Variants in MYH15 observed in about 807,000 individuals in gnomAD.
The protein encoded by MYH15 is myosin heavy chain 15, also known as myosin-15.
In MYH15, 227 loss-of-function variants were observed where a neutral mutation model predicts 240.5. That is an observed-to-expected ratio of 0.94 (90% CI 0.85 to 1.05). MYH15 has a LOEUF of 1.05. MYH15 is among the 50% of genes least tolerant of loss of function. MYH15 has a pLI of 0.00. For synonymous variants in MYH15, 785 were observed against 796.7 expected, an observed-to-expected ratio of 0.99 and a Z score of 0.25; for missense variants, 2,217 against 2,247.5, an observed-to-expected ratio of 0.99 and a Z score of 0.27.
chr3:108,424,141 T>C (rs1183591820), intron 27 of MYH15, among the ~76,000 whole-genome samples: 3 of 152,114 alleles, frequency 2.0e-5, no homozygotes, highest in Admixed American at 6.5e-5. Context: ...TGCGTGGAAA[T>C]GGTAAGAAAA....
intron 40 of MYH15, 128 bp downstream of exon 40, chr3:108,383,467 C>A: frequency 9.9e-7 from 1 of 1,005,068 alleles, no homozygotes; most frequent in East Asian, 2.6e-5. Context: ...TATTGGAACC[C>A]TTTGTTCTTA....
At chr3:108,543,592 T>C in the MYH15 span, 5 of 152,374 alleles carry the variant, frequency 3.3e-5, no homozygotes, top group East Asian at 9.6e-4. Flanking sequence ...TCTCCTTGGA[T>C]CCACAGATAC....
chr3:108,399,326 CCTG>C, intron 33 of MYH15, 59 bp from the exon 34 acceptor site: 4 of 1,370,428 alleles, frequency 2.9e-6, no homozygotes, highest in Non-Finnish European at 4.1e-6. Context: ...ATCAAATTCA[CCTG>C]CTATGTTTAA....
rs1223164176 is a variant in MYH15 at position 108,381,135 on chromosome 3, GT to G, written c.*409del. On this transcript the variant is annotated 3_prime_UTR_variant, in exon 41 of 41. Coordinates refer to ENST00000693548, the MANE Select transcript of MYH15 (RefSeq NM_014981.3). ...AGATTTAGGGGTGAATCAAGCCAAA[GT>G]TGCCTAACTTTAGTAAAAACCATTC... The G allele has an allele frequency of 2.1e-5, 4 of 190,922 alleles. No individual in the cohort carries two copies. Among genetic ancestry groups the G allele is most frequent in the African/African-American group, 9.4e-5 (4 of 42,334 alleles). 11.8% of individuals were successfully genotyped at this position (190,922 alleles called of 1,614,324 possible). A position where few individuals can be genotyped will look rare whatever the true frequency, so the allele number is the denominator to read the frequency against.
At chr3:108,469,559 T>C (rs1158245359) in intron 14 of MYH15, among the ~76,000 whole-genome samples, 1 of 152,232 alleles carries the variant, frequency 6.6e-6, no homozygotes, top group Non-Finnish European at 1.5e-5. Context: ...TAACTGGTAC[T>C]TGTCCAATTA....
upstream of MYH15, among the ~76,000 whole-genome samples, chr3:108,514,423 G>A (rs979436569): frequency 6.6e-6 from 1 of 152,040 alleles, no homozygotes; most frequent in South Asian, 2.1e-4. Flanking sequence ...TTTTGAAAAC[G>A]TCCTTTTCAA....
rs747904706 is a variant in MYH15, at chr3:108,405,440, C to T, written c.4634G>A (p.Arg1545His). ...GAAATGAAGAATCTTGCTTTCATTA[C>T]GTTCCAGGGCTCCCTGGAATACATA... ...TLEETEGALE[R>H]NESKILHFQL... The change falls in exon 33 of 41, where the codon CGT becomes CAT. Residue 1545 changes from arginine to histidine, a missense_variant. Arg to His is a conservative substitution (Grantham distance 29, BLOSUM62 0). Coordinates refer to ENST00000693548, the MANE Select transcript of MYH15 (RefSeq NM_014981.3). 1.9e-5 allele frequency: 28 copies of T among 1,512,918 alleles called. No individual in the cohort carries two copies. Among genetic ancestry groups the T allele is most frequent in the African/African-American group, 5.4e-5 (4 of 73,412 alleles). The allele number at this position is 1,512,918 out of a possible 1,614,324, so 93.7% of individuals were successfully genotyped here. A position where few individuals can be genotyped will look rare whatever the true frequency, so the allele number is the denominator to read the frequency against.
intron 22 of MYH15, 58 bp from the exon 23 acceptor site, chr3:108,441,318 G>C (rs769944448): frequency 2.5e-6 from 4 of 1,591,386 alleles, no homozygotes; most frequent in Non-Finnish European, 3.4e-6. Flanking sequence ...TCAGCTAGGC[G>C]AAAATGCTGC....
chr3:108,451,507 C>A (rs1278465693), intron 21 of MYH15, among the ~76,000 whole-genome samples: 1 of 152,020 alleles, frequency 6.6e-6, no homozygotes, highest in Non-Finnish European at 1.5e-5. Flanking sequence ...TCTCATTAGA[C>A]ATGTAACCAA....
intron 14 of MYH15, among the ~76,000 whole-genome samples, chr3:108,465,618 G>T (rs2083108546): frequency 6.6e-6 from 1 of 152,300 alleles, no homozygotes; most frequent in Non-Finnish European, 1.5e-5. Flanking sequence ...GCTAAGAATG[G>T]CTTTTACATT....
rs563417689 is a variant in MYH15, at chr3:108,485,191, C to A, written c.1014G>T (p.Lys338Asn). 6.2e-7 allele frequency: 1 copy of A among 1,614,102 alleles called. No individual in the cohort carries two copies. The highest frequency in any genetic ancestry group is 2.2e-5 in the East Asian group (1 of 44,882). The change falls in exon 11 of 41, where the codon AAG becomes AAT. Residue 338 changes from lysine (K) to asparagine (N), a missense_variant. Lys to Asn is a moderately conservative substitution (Grantham distance 94, BLOSUM62 0). Coordinates refer to ENST00000693548, the MANE Select transcript of MYH15 (RefSeq NM_014981.3). ...CTCCAGTGAGTTTATAGCATCCATA[C>A]TTCTCATCAGGAAGAAAGCCCAAGA... ...MDILGFLPDE[K>N]YGCYKLTGAI... is the part of the protein sequence containing the mutation.
intron 29 of MYH15, among the ~76,000 whole-genome samples, chr3:108,415,924 C>T (rs1249082927): frequency 2.6e-5 from 4 of 152,186 alleles, no homozygotes; most frequent in African/African-American, 7.2e-5. Context: ...AAATATAACT[C>T]ATTTCACTAT....
intron 21 of MYH15, among the ~76,000 whole-genome samples, chr3:108,453,155 T>G (rs1192352527): frequency 6.6e-6 from 1 of 152,148 alleles, no homozygotes; most frequent in Non-Finnish European, 1.5e-5. Flanking sequence ...AAATTCAGAA[T>G]CTTACTCAAG....
At chr3:108,495,717 T>C (rs1330525728) in intron 7 of MYH15, 63 bp downstream of exon 7, 8 of 1,302,674 alleles carry the variant, frequency 6.1e-6, no homozygotes, top group Admixed American at 5.7e-5. Context: ...TGTGCTTACA[T>C]ATAAGTTTTA....
upstream of MYH15, among the ~76,000 whole-genome samples, chr3:108,515,134 C>T (rs7647088): frequency 0.14 from 21,326 of 152,108 alleles, 1,758 homozygotes; most frequent in East Asian, 0.35. Context: ...CACTGGTGTC[C>T]TGGCCCAACT....
At chr3:108,461,177 T>C (rs146979044) in intron 16 of MYH15, among the ~76,000 whole-genome samples, 256 of 152,232 alleles carry the variant, frequency 1.7e-3, no homozygotes, top group African/African-American at 5.9e-3. Context: ...TATGGAAAAC[T>C]AATAAAATAT....
At chr3:108,492,403 G>A in intron 9 of MYH15, 97 bp downstream of exon 9, 2 of 778,452 alleles carry the variant, frequency 2.6e-6, no homozygotes, top group South Asian at 4.2e-5. Context: ...GGTCTAAATA[G>A]GCTAAGAAAC....
At chr3:108,498,003 A>G in intron 6 of MYH15, 49 bp downstream of exon 6, 1 of 1,523,234 alleles carries the variant, frequency 6.6e-7, no homozygotes, top group Non-Finnish European at 9.1e-7. Flanking sequence ...TCCATGATCC[A>G]GTGGATAGGG....
intron 35 of MYH15, among the ~76,000 whole-genome samples, chr3:108,398,252 G>T: frequency 6.6e-6 from 1 of 152,250 alleles, no homozygotes; most frequent in East Asian, 1.9e-4. Flanking sequence ...AAGGCGGAAG[G>T]TTAGAGTGAT....
Sources: gnomAD v4.1 joint callset for allele counts (sites outside exome capture counted in the v4.1 genomes callset) on GRCh38, gnomAD v4.1.1 for gene constraint, MANE v1.5 for transcripts, NCBI Gene and HGNC (gene_info 2026-07-23, HGNC 2026-07-21) for gene names.